The following OVGP1 variants were observed in gnomAD, a reference collection of about 807,000 sequenced individuals.
OVGP1 encodes oviduct-specific glycoprotein.
Under a neutral mutation model 48.2 loss-of-function variants are expected in OVGP1, and 26 were observed. The ratio of observed to expected loss-of-function variants is 0.54; its 90% CI spans 0.40 to 0.75. The LOEUF (loss-of-function observed/expected upper bound fraction) is 0.75, where lower values mean the gene tolerates loss of function less well. OVGP1 is among the 30% of genes least tolerant of loss of function. The probability of loss-of-function intolerance (pLI) is 0.00; values close to 1 mark genes in which losing one functional copy is unlikely to be tolerated. For missense variants in OVGP1, 791 were observed against 820.6 expected (o/e 0.96, Z 0.44); for synonymous variants, 294 against 305.7 (o/e 0.96, Z 0.40).
chr1:111,426,598 G>A lies in OVGP1; in HGVS notation c.99C>T (p.His33=), dbSNP rs1335132602. Residue 33 remains histidine (H), a synonymous_variant, in exon 3 of 11, where the codon CAC becomes CAT. Coordinates refer to ENST00000369732, the MANE Select transcript of OVGP1 (RefSeq NM_002557.4). ...KLVCYFTNWA[H]SRPGPASILP... Reference sequence around the variant, plus strand: ...AGATCGAGGCAGGGCCTGGCCGACTGTGTGCCCAGTTGGTGAAATAACACA... The same window carrying A: ...AGATCGAGGCAGGGCCTGGCCGACTATGTGCCCAGTTGGTGAAATAACACA... The A allele has an allele frequency of 1.2e-6, 2 of 1,614,110 alleles. No homozygotes were observed. Among genetic ancestry groups the A allele is most frequent in the South Asian group, 2.2e-5 (2 of 91,078 alleles).
intron 9 of OVGP1, among the ~76,000 whole-genome samples, chr1:111,418,132 C>G (rs560629300): frequency 6.6e-6 from 1 of 152,306 alleles, no homozygotes; most frequent in Non-Finnish European, 1.5e-5. Flanking sequence ...TCTCTTTTAG[C>G]TCTGATATTC....
At chr1:111,417,295 T>C (rs1652159922) in intron 9 of OVGP1, among the ~76,000 whole-genome samples, 1 of 152,254 alleles carries the variant, frequency 6.6e-6, no homozygotes, top group Non-Finnish European at 1.5e-5. Context: ...AAATATTATA[T>C]GCTTCTCACA....
intron 4 of OVGP1, 117 bp downstream of exon 4, chr1:111,425,266 G>A (rs1056631113): frequency 1.8e-6 from 2 of 1,123,686 alleles, no homozygotes; most frequent in African/African-American, 1.6e-5. Context: ...ATGAGTTGGG[G>A]AAGTATTTGC....
Position 111,421,594 on chromosome 1 carries a change from A to G in OVGP1, c.688T>C (p.Phe230Leu). Residue 230 changes from phenylalanine (F) to leucine (L), a missense_variant, in exon 7 of 11, where the codon TTC (phenylalanine) becomes CTC (leucine). Coordinates refer to ENST00000369732, the MANE Select transcript of OVGP1 (RefSeq NM_002557.4). The stretch of plus-strand genomic sequence containing the variant: ...GATTTGGGGTCTTCAGGCAGAGAGA[A>G]GAGGGGGCTATTATGTCCTGTGAAC... ...ERFTGHNSPL[F>L]SLPEDPKSSA... 2 of 1,613,098 alleles carry G rather than the reference A, an allele frequency of 1.2e-6. No individual in the cohort carries two copies. Among genetic ancestry groups the G allele is most frequent in the Non-Finnish European group, 1.7e-6 (2 of 1,179,016 alleles).
In OVGP1 at chr1:111,427,733, G is replaced by A; in HGVS notation, c.-12C>T. 6.2e-7 allele frequency: 1 copy of A among 1,608,982 alleles called. No individual in the cohort carries two copies. Among genetic ancestry groups the A allele is most frequent in the Non-Finnish European group, 8.5e-7 (1 of 1,177,698 alleles). On this transcript the variant is annotated 5_prime_UTR_variant, in exon 1 of 11. Coordinates refer to ENST00000369732, the MANE Select transcript of OVGP1 (RefSeq NM_002557.4). ...AACAGCTTCCACATCTCAATGGTCT[G>A]ATAGCTGTGAGTCCAGAGATGCAGC...
chr1:111,419,843 G>T (rs1571354158), intron 8 of OVGP1, 117 bp from the exon 9 acceptor site: 3 of 686,574 alleles, frequency 4.4e-6, no homozygotes, highest in Non-Finnish European at 7.8e-6. Context: ...CGAATGAGAA[G>T]AAGGTAAACC....
Position 111,423,046 on chromosome 1 carries a change from G to C in OVGP1, c.489C>G (p.Leu163=). 2 of 1,614,014 alleles carry C rather than the reference G, an allele frequency of 1.2e-6. No homozygotes were observed. Among genetic ancestry groups the C allele is most frequent in the Non-Finnish European group, 1.7e-6 (2 of 1,179,994 alleles). The change falls in exon 6 of 11, where the codon CTC becomes CTG. Residue 163 remains leucine, a synonymous_variant. Coordinates refer to ENST00000369732, the MANE Select transcript of OVGP1 (RefSeq NM_002557.4). ...RWTFLFLIEE[L]LFAFRKEALL... ...GTGCCTCCTTCCGGAAGGCAAACAG[G>C]AGCTCCTAAGAGGAAAGACAGAAAG...
chr1:111,427,407 G>A (rs996308090), intron 1 of OVGP1: 1 of 969,354 alleles, frequency 1.0e-6, no homozygotes, highest in African/African-American at 1.8e-5. Flanking sequence ...TGCAAATTAA[G>A]AAGTACTGAT....
chr1:111,417,481 T>C (rs1309739993), intron 9 of OVGP1, among the ~76,000 whole-genome samples: 1 of 152,194 alleles, frequency 6.6e-6, no homozygotes, highest in Admixed American at 6.5e-5. Context: ...CCAAGTCAAT[T>C]GGCTCCTTTC....
Position 111,414,853 on chromosome 1 carries a change from C to T in OVGP1, c.1648G>A (p.Val550Ile). Residue 550 changes from valine to isoleucine, a missense_variant, in exon 11 of 11, where the codon GTC becomes ATC. Physicochemically the swap from Val to Ile is conservative, Grantham distance 29. Coordinates refer to ENST00000369732, the MANE Select transcript of OVGP1 (RefSeq NM_002557.4). Reference sequence around the variant, plus strand: ...CTAAGGGTCTCAGTCTGAAAATGGACAGGGGTCATAGTCGTTCCTCCAGGG... The same window carrying T: ...CTAAGGGTCTCAGTCTGAAAATGGATAGGGGTCATAGTCGTTCCTCCAGGG... ...VSPGGTTMTP[V>I]HFQTETLRQN... is the part of the protein sequence containing the mutation. 6.3e-7 allele frequency: 1 copy of T among 1,595,208 alleles called. No individual in the cohort carries two copies. Among genetic ancestry groups the T allele is most frequent in the Non-Finnish European group, 8.6e-7 (1 of 1,167,046 alleles).
intron 10 of OVGP1, 83 bp downstream of exon 10, chr1:111,416,240 G>A: frequency 7.4e-7 from 1 of 1,360,184 alleles, no homozygotes; most frequent in African/African-American, 1.5e-5. Flanking sequence ...GCCTCACCAA[G>A]GCATTTAGAT....
At chr1:111,423,407 AGG>A in intron 5 of OVGP1, 134 bp downstream of exon 5, 1 of 928,666 alleles carries the variant, frequency 1.1e-6, no homozygotes, top group Non-Finnish European at 1.6e-6. Context: ...ATTACCCTCC[AGG>A]GGTTCACAGT....
Position 111,416,402 on chromosome 1 carries a change from CATGTCCA to C in OVGP1, c.1070_1076del (p.Leu357TrpfsTer20). 1 of 1,609,198 alleles carries C rather than the reference CATGTCCA, an allele frequency of 6.2e-7. No individual in the cohort carries two copies. Among genetic ancestry groups the C allele is most frequent in the African/African-American group, 1.3e-5 (1 of 75,032 alleles). On this transcript the variant is annotated frameshift_variant, in exon 10 of 11. Coordinates refer to ENST00000369732, the MANE Select transcript of OVGP1 (RefSeq NM_002557.4). LOFTEE classifies it high-confidence loss of function. ...CACAGAACGTGCCCCTGACGTCATC[CATGTCCA>C]ATGTCCACACCATGGCCCCCCCAAA...
At chr1:111,426,901 ACAAACAGCAGGTGAC>A in intron 2 of OVGP1, 146 bp downstream of exon 2, 1 of 1,547,982 alleles carries the variant, frequency 6.5e-7, no homozygotes, top group Non-Finnish European at 8.7e-7. Context: ...AGTCAGCGAC[ACAAACAGCAGGTGAC>A]CAAAAATCCT....
Position 111,416,443 on chromosome 1 carries a change from G to A in OVGP1, c.1036C>T (p.Arg346Ter), listed in dbSNP as rs1031513860. 25 of 1,604,666 alleles carry A rather than the reference G, an allele frequency of 1.6e-5. No individual in the cohort carries two copies. The highest frequency in any genetic ancestry group is 2.7e-5 in the African/African-American group (2 of 74,822). ...ACCATGGCCCCCCCAAAATGCTCTCGCCTTATAAACCATGCCTGTAAAAGT... is the reference window on the plus strand; with the variant it reads ...ACCATGGCCCCCCCAAAATGCTCTCACCTTATAAACCATGCCTGTAAAAGT... ...SFSYKAWFIR[R>*]EHFGGAMVWT... is the part of the protein sequence containing the mutation. The change falls in exon 10 of 11, where the codon CGA becomes TGA. Residue 346 changes from arginine to a stop codon, truncating the protein, a stop_gained. Coordinates refer to ENST00000369732, the MANE Select transcript of OVGP1 (RefSeq NM_002557.4). LOFTEE classifies it high-confidence loss of function.
In OVGP1 at chr1:111,421,372, G is replaced by T. The variant is rs1476991629; in HGVS notation, c.807C>A (p.Leu269=). The T allele has an allele frequency of 6.2e-7, 1 of 1,614,032 alleles. No homozygotes were observed. Among genetic ancestry groups the T allele is most frequent in the African/African-American group, 1.3e-5 (1 of 74,932 alleles). The change falls in exon 8 of 11, where the codon CTC becomes CTA. Residue 269 remains leucine (L), a synonymous_variant. Transcript: ENST00000369732. ...GIPTYGRTFR[L]LKASKNGLQA... ...GCAACCCATTCTTAGAGGCTTTGAGGAGGCGAAAGGTACGTCCATAGGTGG... is the reference window on the plus strand; with the variant it reads ...GCAACCCATTCTTAGAGGCTTTGAGTAGGCGAAAGGTACGTCCATAGGTGG...
chr1:111,426,860 A>C, intron 2 of OVGP1: 1 of 1,548,794 alleles, frequency 6.5e-7, no homozygotes, highest in Non-Finnish European at 8.7e-7. Flanking sequence ...TCCTGGTCAG[A>C]ACAGATTCTC....
rs1652099472 is a variant in OVGP1, at chr1:111,415,141, T to C, written c.1360A>G (p.Thr454Ala). The C allele has an allele frequency of 1.9e-6, 3 of 1,614,016 alleles. No individual in the cohort carries two copies. The highest frequency in any genetic ancestry group is 1.3e-5 in the African/African-American group (1 of 74,920). Residue 454 changes from threonine (T) to alanine (A), a missense_variant, in exon 11 of 11, where the codon ACA (threonine) becomes GCA (alanine). Transcript: ENST00000369732. The part of the protein sequence containing the change: ...ITPRGTTVTP[T>A]KETVSLGKHT... ...TTTCCAAGGGATACAGTTTCCTTTG[T>C]AGGGGTCACAGTTGTACCTCTAGGG...
At chr1:111,423,473 T>G (rs1021245327) in intron 5 of OVGP1, 70 bp downstream of exon 5, 1 of 1,515,196 alleles carries the variant, frequency 6.6e-7, no homozygotes, top group African/African-American at 1.4e-5. Context: ...TATGCTCTTC[T>G]CCTGCCATAA....
Sources: allele counts gnomAD v4.1 joint callset (sites outside exome capture counted in the v4.1 genomes callset), GRCh38; gene constraint gnomAD v4.1.1; transcripts MANE v1.5; gene names NCBI Gene and HGNC (gene_info 2026-07-23, HGNC 2026-07-21).